LMBR1: variants seen among roughly 807,000 people sequenced by gnomAD.
The protein encoded by LMBR1 is limb region 1 protein homolog.
LMBR1 carries 52 observed loss-of-function variants against 73.9 expected under a neutral mutation model. The observed-to-expected ratio is 0.70, with a 90% CI of 0.56 to 0.89. The LOEUF (loss-of-function observed/expected upper bound fraction) is 0.89. Among genes scored for constraint, LMBR1 ranks in the 40% least tolerant of loss-of-function variants. The pLI is 0.00. For synonymous variants in LMBR1, 215 were observed against 209.4 expected, an observed-to-expected ratio of 1.03 and a Z score of -0.23; for missense variants, 539 against 579.8, an observed-to-expected ratio of 0.93 and a Z score of 0.72.
chr7:156,811,782 G>A (rs7789482), intron 4 of LMBR1, among the ~76,000 whole-genome samples: 4,262 of 152,190 alleles, frequency 0.028, 203 homozygotes, highest in African/African-American at 0.097. Context: ...ACCACAAACC[G>A]AATGGCTTCA....
downstream of LMBR1, chr7:156,676,469 C>T (rs143460507): frequency 1.1e-4 from 172 of 1,613,956 alleles, no homozygotes; most frequent in African/African-American, 1.7e-4. Flanking sequence ...CCCCTCTCTC[C>T]GCTGCTGGCG....
chr7:156,799,863 C>A (rs1387914259), intron 4 of LMBR1, among the ~76,000 whole-genome samples: 1 of 152,210 alleles, frequency 6.6e-6, no homozygotes, highest in Non-Finnish European at 1.5e-5. Flanking sequence ...AGCCTTACTG[C>A]TGATATGGAG....
intron 5 of LMBR1, among the ~76,000 whole-genome samples, chr7:156,766,808 C>T (rs1163562932): frequency 6.6e-6 from 1 of 152,142 alleles, no homozygotes; most frequent in African/African-American, 2.4e-5. Flanking sequence ...TTGTCACTCC[C>T]TCTCCTCTGA....
At chr7:156,781,022 T>A (rs1217241856) in intron 5 of LMBR1, among the ~76,000 whole-genome samples, 1 of 152,178 alleles carries the variant, frequency 6.6e-6, no homozygotes, top group Non-Finnish European at 1.5e-5. Flanking sequence ...AAGCTCATAC[T>A]AAGGTCAAAT....
intron 1 of LMBR1, among the ~76,000 whole-genome samples, chr7:156,855,036 C>G (rs78028654): frequency 6.6e-6 from 1 of 152,120 alleles, no homozygotes. Context: ...CCACAAAATA[C>G]GAAGCATGCT....
intron 4 of LMBR1, among the ~76,000 whole-genome samples, chr7:156,812,197 G>A (rs1833205902): frequency 6.6e-6 from 1 of 152,184 alleles, no homozygotes; most frequent in Non-Finnish European, 1.5e-5. Context: ...ATGGCAAAAA[G>A]GACTTGGCAG....
intron 1 of LMBR1, among the ~76,000 whole-genome samples, chr7:156,852,977 C>T (rs1201780564): frequency 1.3e-5 from 2 of 150,004 alleles, no homozygotes; most frequent in Non-Finnish European, 3.0e-5. Context: ...CTCAATCTGT[C>T]GCCCAGGCTG....
chr7:156,808,354 A>C (rs904922116), intron 4 of LMBR1, among the ~76,000 whole-genome samples: 1 of 152,150 alleles, frequency 6.6e-6, no homozygotes, highest in East Asian at 1.9e-4. Flanking sequence ...GATCTTCTTT[A>C]TGACTGGTAA....
At chr7:156,719,811 A>G (rs1814119568) in intron 15 of LMBR1, among the ~76,000 whole-genome samples, 1 of 152,206 alleles carries the variant, frequency 6.6e-6, no homozygotes, top group African/African-American at 2.4e-5. Flanking sequence ...ATTATCTACA[A>G]CTATCTGATC....
chr7:156,747,435 TTTC>T (rs1428315824), intron 9 of LMBR1, among the ~76,000 whole-genome samples: 3 of 152,162 alleles, frequency 2.0e-5, no homozygotes, highest in Admixed American at 2.0e-4. Flanking sequence ...TCCTTACAAC[TTTC>T]TTAATATATA....
intron 1 of LMBR1, among the ~76,000 whole-genome samples, chr7:156,860,338 C>A (rs891537029): frequency 6.6e-6 from 1 of 152,142 alleles, no homozygotes; most frequent in African/African-American, 2.4e-5. Context: ...CTTTATAAAA[C>A]CATCAGATCT....
chr7:156,777,527 C>G (rs1470435046), intron 5 of LMBR1, among the ~76,000 whole-genome samples: 1 of 152,200 alleles, frequency 6.6e-6, no homozygotes, highest in Non-Finnish European at 1.5e-5. Flanking sequence ...TCATAATTAC[C>G]AAGGGGCCTG....
chr7:156,686,102 G>C (rs1805951361), intron 16 of LMBR1, among the ~76,000 whole-genome samples: 1 of 152,196 alleles, frequency 6.6e-6, no homozygotes, highest in African/African-American at 2.4e-5. Context: ...AAGGGACTGA[G>C]TGAAGACAGA....
chr7:156,825,067 T>A (rs1305757406), intron 4 of LMBR1, among the ~76,000 whole-genome samples: 1 of 152,150 alleles, frequency 6.6e-6, no homozygotes. Flanking sequence ...ACTCAGAAAT[T>A]CCAAATTCAC....
At chr7:156,672,142 C>T (rs1802685795) in intron 4 of LMBR1, among the ~76,000 whole-genome samples, 1 of 152,158 alleles carries the variant, frequency 6.6e-6, no homozygotes, top group Admixed American at 6.5e-5. Context: ...CACCAGTTAC[C>T]ATTAAGACTG....
intron 4 of LMBR1, among the ~76,000 whole-genome samples, chr7:156,801,324 T>C (rs1016625959): frequency 6.6e-6 from 1 of 152,218 alleles, no homozygotes; most frequent in African/African-American, 2.4e-5. Flanking sequence ...GCTCAGATAA[T>C]TGTTACCATT....
rs1405602793 is a variant in LMBR1 at position 156,680,416 on chromosome 7, G to A, written c.*3662C>T. ...AGAGAGAGAGAGAGTGTGTGTGTGT[G>A]TGTGTGTGTAATGGGTTATTTCTTA... On this transcript the variant is annotated 3_prime_UTR_variant, in exon 17 of 17. Transcript: ENST00000353442. The A allele has an allele frequency of 7.6e-6, 1 of 132,186 alleles. No individual in the cohort carries two copies. The highest frequency in any genetic ancestry group is 1.6e-5 in the Non-Finnish European group (1 of 61,272). 8.2% of individuals were successfully genotyped at this position (132,186 alleles called of 1,614,324 possible).
chr7:156,796,814 C>T (rs1193110658), intron 4 of LMBR1, among the ~76,000 whole-genome samples: 1 of 152,158 alleles, frequency 6.6e-6, no homozygotes, highest in African/African-American at 2.4e-5. Flanking sequence ...ATTAGAGCCA[C>T]TAGCATTTAT....
chr7:156,888,464 T>C (rs1406285417), intron 1 of LMBR1, among the ~76,000 whole-genome samples: 1 of 151,422 alleles, frequency 6.6e-6, no homozygotes, highest in South Asian at 2.1e-4. Flanking sequence ...CCAGCAATTC[T>C]ACTTCTGAAT....
Sources: allele counts gnomAD v4.1 joint callset (sites outside exome capture counted in the v4.1 genomes callset), GRCh38; gene constraint gnomAD v4.1.1; transcripts MANE v1.5; gene names NCBI Gene and HGNC (gene_info 2026-07-23, HGNC 2026-07-21).